The following RGPD2 variants were observed in gnomAD, a reference collection of about 807,000 sequenced individuals.
The protein encoded by RGPD2 is RANBP2-like and GRIP domain-containing protein 2.
In RGPD2, 2 loss-of-function variants were observed where a neutral mutation model predicts 36.0. The ratio of observed to expected loss-of-function variants is 0.06; its 90% CI spans 0.02 to 0.17. The LOEUF (loss-of-function observed/expected upper bound fraction) is 0.17, where lower values mean the gene tolerates loss of function less well. Ranked by LOEUF, RGPD2 falls within the 10% of genes least tolerant of loss-of-function variation. The pLI is 1.00. For synonymous variants in RGPD2, 19 were observed against 163.8 expected (o/e 0.12, Z 6.75); for missense variants, 40 against 464.3 (o/e 0.09, Z 8.40).
At chr2:87,866,878 C>A in the RGPD2 span, among the ~76,000 whole-genome samples, 3 of 152,270 alleles carry the variant, frequency 2.0e-5, no homozygotes, top group Admixed American at 6.5e-5. Flanking sequence ...GTCTTTCCTC[C>A]CCGGGCGAGA....
the RGPD2 span, among the ~76,000 whole-genome samples, chr2:87,940,292 A>T: frequency 6.6e-6 from 1 of 151,874 alleles, no homozygotes; most frequent in Non-Finnish European, 1.5e-5. Flanking sequence ...GCTCCTGTGT[A>T]GTATTAGGAA....
intron 1 of RGPD2, chr2:87,825,259 A>T (rs1686657303): frequency 2.6e-6 from 1 of 391,314 alleles, no homozygotes; most frequent in African/African-American, 2.1e-5. Context: ...AATCCAACTA[A>T]CCTCAAAACA....
the RGPD2 span, among the ~76,000 whole-genome samples, chr2:87,845,653 T>A: frequency 2.0e-5 from 3 of 151,264 alleles, no homozygotes; most frequent in African/African-American, 7.3e-5. Context: ...TAGCAAAATA[T>A]AAATCTTAGT....
At chr2:87,858,145 G>GCA in the RGPD2 span, among the ~76,000 whole-genome samples, 1 of 152,140 alleles carries the variant, frequency 6.6e-6, no homozygotes, top group Admixed American at 6.5e-5. Flanking sequence ...AGGCATGGTG[G>GCA]TGCGTGCCTG....
the RGPD2 span, among the ~76,000 whole-genome samples, chr2:87,877,804 C>CAAAAAAAAAAAAAAAAAAAAAAA: frequency 1.1e-4 from 9 of 84,378 alleles, no homozygotes; most frequent in African/African-American, 1.4e-4. Flanking sequence ...GACTCCGTCT[C>CAAAAAAAAAAAAAAAAAAAAAAA]AAAAAAAAAA....
chr2:87,824,015 ATATTTTTT>A (rs1328951484), intron 1 of RGPD2, among the ~76,000 whole-genome samples: 52 of 141,110 alleles, frequency 3.7e-4, no homozygotes, highest in Admixed American at 7.0e-4. Context: ...AAAGAATTAT[ATATTTTTT>A]TATTTTTTTA....
At chr2:87,966,187 C>T in the RGPD2 span, among the ~76,000 whole-genome samples, 2 of 152,376 alleles carry the variant, frequency 1.3e-5, no homozygotes, top group South Asian at 4.1e-4. Context: ...TTATTCTTGT[C>T]TCACAGTCTT....
chr2:87,959,041 G>GAT, the RGPD2 span, among the ~76,000 whole-genome samples: 3 of 24,538 alleles, frequency 1.2e-4, 1 homozygote, highest in Admixed American at 5.3e-4. Flanking sequence ...AATTCAGGGA[G>GAT]ATATATATAT....
chr2:87,883,485 A>G, the RGPD2 span, among the ~76,000 whole-genome samples: 3 of 152,092 alleles, frequency 2.0e-5, no homozygotes, highest in African/African-American at 2.4e-5. Flanking sequence ...AAAAAAAAGT[A>G]TATGAATTAA....
the RGPD2 span, among the ~76,000 whole-genome samples, chr2:87,975,081 T>A: frequency 3.3e-5 from 5 of 152,158 alleles, no homozygotes; most frequent in Admixed American, 1.3e-4. Flanking sequence ...ACATCCCTTG[T>A]GTTTTCCTCA....
chr2:87,844,903 G>C, the RGPD2 span, among the ~76,000 whole-genome samples: 1 of 124,300 alleles, frequency 8.0e-6, no homozygotes, highest in Non-Finnish European at 1.7e-5. Context: ...TTTTGTAGTT[G>C]CCTCTTTTGC....
At chr2:87,853,433 A>G in the RGPD2 span, among the ~76,000 whole-genome samples, 3 of 151,950 alleles carry the variant, frequency 2.0e-5, no homozygotes, top group African/African-American at 7.3e-5. Context: ...GATGTTGTCC[A>G]GAATGGTCTT....
the RGPD2 span, among the ~76,000 whole-genome samples, chr2:87,973,709 A>AAAT: frequency 1.4e-5 from 2 of 147,488 alleles, no homozygotes; most frequent in Non-Finnish European, 3.0e-5. Flanking sequence ...AAAAAAAAAA[A>AAAT]AAGAGTGTGG....
At chr2:87,972,790 G>A in the RGPD2 span, 5 of 1,611,710 alleles carry the variant, frequency 3.1e-6, no homozygotes, top group Non-Finnish European at 4.2e-6. Flanking sequence ...ACTGCTGCAG[G>A]GAGACTGGCT....
At chr2:87,860,292 A>AT in the RGPD2 span, among the ~76,000 whole-genome samples, 1 of 152,022 alleles carries the variant, frequency 6.6e-6, no homozygotes, top group Admixed American at 6.6e-5. Context: ...CATAGACAGC[A>AT]TTTTTTGTTG....
At chr2:87,847,230 T>C in the RGPD2 span, among the ~76,000 whole-genome samples, 3 of 152,156 alleles carry the variant, frequency 2.0e-5, no homozygotes, top group Admixed American at 2.0e-4. Context: ...AACCAACTTA[T>C]ATTTGGATGA....
the RGPD2 span, among the ~76,000 whole-genome samples, chr2:87,921,492 T>C: frequency 6.6e-6 from 1 of 152,150 alleles, no homozygotes; most frequent in East Asian, 1.9e-4. Context: ...AAGATTGAGA[T>C]CCCAAAGCAG....
chr2:87,924,708 A>G, the RGPD2 span, among the ~76,000 whole-genome samples: 2 of 139,684 alleles, frequency 1.4e-5, no homozygotes, highest in African/African-American at 2.7e-5. Flanking sequence ...CTCTTCTTAA[A>G]CAATCACTTG....
At chr2:87,844,812 G>T in the RGPD2 span, among the ~76,000 whole-genome samples, 1 of 143,256 alleles carries the variant, frequency 7.0e-6, no homozygotes. Flanking sequence ...TTTCTAACCT[G>T]TAATATCTCA....
Sources: allele counts gnomAD v4.1 joint callset (sites outside exome capture counted in the v4.1 genomes callset), GRCh38; gene constraint gnomAD v4.1.1; transcripts MANE v1.5; gene names NCBI Gene and HGNC (gene_info 2026-07-23, HGNC 2026-07-21).